RBFOX1: variants seen among roughly 807,000 people sequenced by gnomAD.
RBFOX1 encodes the protein RNA binding fox-1 homolog 1, also known as RNA binding protein fox-1 homolog 1.
In RBFOX1, 8 loss-of-function variants were observed where a neutral mutation model predicts 57.7. The ratio of observed to expected loss-of-function variants is 0.14; its 90% CI spans 0.08 to 0.25. The LOEUF is 0.25. Among genes scored for constraint, RBFOX1 ranks in the 10% least tolerant of loss-of-function variants. The pLI is 1.00. For synonymous variants in RBFOX1, 326 were observed against 222.4 expected, an observed-to-expected ratio of 1.47 and a Z score of -4.15; for missense variants, 611 against 548.5, an observed-to-expected ratio of 1.11 and a Z score of -1.14.
intron 2 of RBFOX1, among the ~76,000 whole-genome samples, chr16:6,563,916 GTA>G (rs35294158): frequency 9.3e-5 from 14 of 151,146 alleles, no homozygotes; most frequent in African/African-American, 2.7e-4. Flanking sequence ...GTGTGTGTGT[GTA>G]TATATATATA....
chr16:5,873,262 C>T (rs1234736487), intron 4 of RBFOX1, among the ~76,000 whole-genome samples: 1 of 152,198 alleles, frequency 6.6e-6, no homozygotes, highest in Non-Finnish European at 1.5e-5. Context: ...GCTACCTTTG[C>T]AACATGGCTG....
At chr16:7,710,501 G>A (rs774015759) in intron 15 of RBFOX1, 122 bp from the exon 16 acceptor site, 182 of 1,567,278 alleles carry the variant, frequency 1.2e-4, no homozygotes, top group Non-Finnish European at 1.4e-4. Flanking sequence ...CCTGGGATGG[G>A]TAGGGGGTGC....
intron 2 of RBFOX1, among the ~76,000 whole-genome samples, chr16:6,341,507 G>C (rs1370501734): frequency 6.6e-6 from 1 of 152,156 alleles, no homozygotes; most frequent in African/African-American, 2.4e-5. Flanking sequence ...GGCTCAGAAT[G>C]TCCTGATATC....
chr16:6,614,662 C>G (rs1338308011), intron 2 of RBFOX1, among the ~76,000 whole-genome samples: 1 of 152,190 alleles, frequency 6.6e-6, no homozygotes. Context: ...TTTCCTTACT[C>G]CTAGTGATTT....
At chr16:5,607,731 C>A (rs2047636417) in intron 3 of RBFOX1, among the ~76,000 whole-genome samples, 1 of 152,320 alleles carries the variant, frequency 6.6e-6, no homozygotes, top group Non-Finnish European at 1.5e-5. Context: ...AATCTGAGGT[C>A]ACTGCCTTTC....
chr16:7,487,692 C>G (rs74010520), intron 4 of RBFOX1, among the ~76,000 whole-genome samples: 3,928 of 152,202 alleles, frequency 0.026, 167 homozygotes, highest in African/African-American at 0.091. Context: ...CACACACACA[C>G]ATGCATTCAA....
At chr16:6,703,253 T>A (rs1739125096) in intron 3 of RBFOX1, among the ~76,000 whole-genome samples, 1 of 152,110 alleles carries the variant, frequency 6.6e-6, no homozygotes, top group African/African-American at 2.4e-5. Context: ...TATTTATTAT[T>A]ATTACAGAGC....
At chr16:6,198,510 T>C (rs1246893353) in intron 1 of RBFOX1, among the ~76,000 whole-genome samples, 12 of 152,228 alleles carry the variant, frequency 7.9e-5, no homozygotes, top group Admixed American at 7.9e-4. Context: ...GAGTTATCTC[T>C]GTGGAACTGT....
intron 1 of RBFOX1, among the ~76,000 whole-genome samples, chr16:6,248,352 C>G (rs1400574595): frequency 7.9e-5 from 12 of 152,134 alleles, no homozygotes; most frequent in African/African-American, 2.4e-4. Flanking sequence ...TCAACACAGT[C>G]TATTTCACAG....
chr16:5,572,481 C>T (rs1292699025), intron 2 of RBFOX1, among the ~76,000 whole-genome samples: 3 of 152,178 alleles, frequency 2.0e-5, no homozygotes, highest in East Asian at 1.9e-4. Flanking sequence ...GGATGCTTGA[C>T]AGCATCCTAG....
chr16:7,194,883 G>T (rs1343821764), intron 4 of RBFOX1, among the ~76,000 whole-genome samples: 3 of 147,040 alleles, frequency 2.0e-5, no homozygotes, highest in African/African-American at 7.6e-5. Context: ...AGCCGAGATT[G>T]TGCCACTGCA....
intron 1 of RBFOX1, among the ~76,000 whole-genome samples, chr16:5,404,294 A>G (rs1437204354): frequency 1.3e-5 from 2 of 152,122 alleles, no homozygotes; most frequent in African/African-American, 4.8e-5. Context: ...ATACATTTGC[A>G]CACCTTTTAA....
intron 4 of RBFOX1, among the ~76,000 whole-genome samples, chr16:5,995,993 C>G (rs2060483963): frequency 6.6e-6 from 1 of 152,108 alleles, no homozygotes; most frequent in African/African-American, 2.4e-5. Context: ...GCATCTTTTT[C>G]TTTGTTTTCA....
At chr16:6,472,880 C>T (rs1229332131) in intron 2 of RBFOX1, among the ~76,000 whole-genome samples, 2 of 152,114 alleles carry the variant, frequency 1.3e-5, no homozygotes, top group African/African-American at 4.8e-5. Flanking sequence ...CCACCTCGGC[C>T]TCCCAAAGTG....
chr16:6,680,010 C>T (rs1202278857), intron 3 of RBFOX1, among the ~76,000 whole-genome samples: 1 of 149,884 alleles, frequency 6.7e-6, no homozygotes, highest in Admixed American at 6.7e-5. Context: ...ATTTATACTC[C>T]CAAATATGAC....
chr16:7,213,096 A>C (rs1162986095), intron 4 of RBFOX1, among the ~76,000 whole-genome samples: 1 of 152,186 alleles, frequency 6.6e-6, no homozygotes. Context: ...CTTTACTGCT[A>C]ATAGGGGTTG....
chr16:6,756,040 A>G (rs1024991790), intron 3 of RBFOX1, among the ~76,000 whole-genome samples: 7 of 152,184 alleles, frequency 4.6e-5, no homozygotes, highest in Non-Finnish European at 8.8e-5. Flanking sequence ...ACAGTACACA[A>G]TGAGGTGCCT....
intron 1 of RBFOX1, among the ~76,000 whole-genome samples, chr16:6,270,690 G>A (rs934734431): frequency 6.6e-6 from 1 of 150,486 alleles, no homozygotes; most frequent in African/African-American, 2.4e-5. Flanking sequence ...AAAATCAGAA[G>A]GATAAAGAAC....
chr16:5,796,569 ATG>A (rs2054886762), intron 3 of RBFOX1, among the ~76,000 whole-genome samples: 1 of 57,848 alleles, frequency 1.7e-5, no homozygotes, highest in Non-Finnish European at 4.3e-5. Context: ...CCACACCCTG[ATG>A]ATGATGATGA....
Sources: gnomAD v4.1 joint callset for allele counts (sites outside exome capture counted in the v4.1 genomes callset) on GRCh38, gnomAD v4.1.1 for gene constraint, MANE v1.5 for transcripts, NCBI Gene and HGNC (gene_info 2026-07-23, HGNC 2026-07-21) for gene names.